NAV2: variants seen among roughly 807,000 people sequenced by gnomAD.
The protein encoded by NAV2 is helicase, APC down-regulated 1.
A neutral mutation model predicts 223.2 loss-of-function variants in NAV2; 54 were observed. That is an observed-to-expected ratio of 0.24 (90% CI 0.19 to 0.30). The LOEUF is 0.30. Among genes scored for constraint, NAV2 ranks in the 10% least tolerant of loss-of-function variants. The pLI, the probability that NAV2 is intolerant of heterozygous loss-of-function variation, is 1.00. For missense variants in NAV2, 2,806 were observed against 3,147.5 expected (o/e 0.89, Z 2.60); for synonymous variants, 1,279 against 1,239.3 (o/e 1.03, Z -0.67).
At chr11:19,548,596 C>T (rs528899470) in intron 1 of NAV2, among the ~76,000 whole-genome samples, 2 of 151,998 alleles carry the variant, frequency 1.3e-5, no homozygotes, top group South Asian at 2.1e-4. Flanking sequence ...TGGCCAGCAG[C>T]GGTGGCTCAC....
chr11:20,099,173 G>A (rs1251168429), intron 31 of NAV2, among the ~76,000 whole-genome samples: 2 of 152,192 alleles, frequency 1.3e-5, no homozygotes, highest in East Asian at 1.9e-4. Context: ...AATTGGTGGA[G>A]TTGCTGGATT....
At chr11:19,904,865 T>G (rs1412596902) in intron 6 of NAV2, among the ~76,000 whole-genome samples, 1 of 152,188 alleles carries the variant, frequency 6.6e-6, no homozygotes, top group Admixed American at 6.5e-5. Context: ...TGAGGTTTCT[T>G]ACAATAGCCG....
At chr11:19,897,886 T>TTTATATATATATATATATATATA (rs144642336) in intron 6 of NAV2, among the ~76,000 whole-genome samples, 1 of 120,660 alleles carries the variant, frequency 8.3e-6, no homozygotes, top group African/African-American at 3.4e-5. Flanking sequence ...GACCTGTGAT[T>TTTATATATATATATATATATATA]TATATATATA....
intron 10 of NAV2, among the ~76,000 whole-genome samples, chr11:19,966,786 C>T (rs967483217): frequency 1.3e-5 from 2 of 152,178 alleles, no homozygotes; most frequent in African/African-American, 4.8e-5. Context: ...CAGATGGCTT[C>T]TCTTATGTTC....
At chr11:19,373,361 G>A (rs977221664) in intron 1 of NAV2, among the ~76,000 whole-genome samples, 8 of 152,128 alleles carry the variant, frequency 5.3e-5, no homozygotes, top group African/African-American at 1.9e-4. Flanking sequence ...GCCTCTGCCT[G>A]CCTCTCCCCT....
intron 1 of NAV2, among the ~76,000 whole-genome samples, chr11:19,360,214 G>A (rs1487103421): frequency 6.6e-6 from 1 of 152,164 alleles, no homozygotes; most frequent in Non-Finnish European, 1.5e-5. Context: ...TCAATTATTA[G>A]CACAATCTTC....
Position 19,441,448 on chromosome 11 carries a change from GCACA to G in NAV2, c.75+90443_75+90446del, listed in dbSNP as rs150858991. Among the ~76,000 whole-genome samples the G allele has an allele frequency of 1.7e-3, 242 of 145,904 alleles. 1 individual carries two copies. The highest frequency in any genetic ancestry group is 4.2e-3 in the African/African-American group (171 of 40,342). On this transcript the variant is annotated intron_variant, in intron 1 of 37. Coordinates refer to the NAV2 transcript ENST00000360655. ...CACTGGGACACACACACACACACACGCACACACACACACACACACACACACCCTT... is the reference window on the plus strand; with the variant it reads ...CACTGGGACACACACACACACACACGCACACACACACACACACACACCCTT...
chr11:19,828,291 T>A (rs995938603), intron 1 of NAV2, among the ~76,000 whole-genome samples: 1 of 152,114 alleles, frequency 6.6e-6, no homozygotes, highest in Non-Finnish European at 1.5e-5. Context: ...CCATTATTTA[T>A]CTCCAGAACT....
At chr11:19,960,193 C>G in intron 10 of NAV2, among the ~76,000 whole-genome samples, 1 of 152,104 alleles carries the variant, frequency 6.6e-6, no homozygotes, top group East Asian at 1.9e-4. Flanking sequence ...ACTTTTTGTG[C>G]CAACTTTTGA....
chr11:19,519,333 G>A (rs1276651365), intron 1 of NAV2, among the ~76,000 whole-genome samples: 1 of 152,136 alleles, frequency 6.6e-6, no homozygotes, highest in Non-Finnish European at 1.5e-5. Context: ...ATGGGCTCTC[G>A]TAAGGTGCTT....
In NAV2 at chr11:20,090,963, C is replaced by A; in HGVS notation, c.5597C>A (p.Ala1866Asp). The A allele has an allele frequency of 6.2e-7, 1 of 1,613,924 alleles. No homozygotes were observed. Among genetic ancestry groups the A allele is most frequent in the Non-Finnish European group, 8.5e-7 (1 of 1,179,878 alleles). Reference protein sequence around the residue: ...EMKLTDIRLEALSSAHQLDQL... With the variant: ...EMKLTDIRLEDLSSAHQLDQL... Reference sequence around the variant, plus strand: ...AAGCTGACGGATATCCGCTTAGAAGCTCTCAGTTCTGCCCACCAGCTGGAC... The same window carrying A: ...AAGCTGACGGATATCCGCTTAGAAGATCTCAGTTCTGCCCACCAGCTGGAC... The change falls in exon 27 of 38, where the codon GCT (alanine) becomes GAT (aspartate). Residue 1866 changes from alanine (A) to aspartate (D), a missense_variant. Ala to Asp is a moderately radical substitution (Grantham distance 126). Coordinates refer to ENST00000349880, the MANE Select transcript of NAV2 (RefSeq NM_145117.5).
At chr11:19,590,051 G>C (rs1222250998) in intron 1 of NAV2, among the ~76,000 whole-genome samples, 3 of 152,238 alleles carry the variant, frequency 2.0e-5, no homozygotes, top group Non-Finnish European at 4.4e-5. Flanking sequence ...TGGGTCCCAG[G>C]CTAGGCTTCC....
intron 1 of NAV2, among the ~76,000 whole-genome samples, chr11:19,373,252 G>T (rs1848531032): frequency 6.6e-6 from 1 of 152,082 alleles, no homozygotes; most frequent in Non-Finnish European, 1.5e-5. Context: ...TCACCTCTAG[G>T]CTGATAACTC....
intron 10 of NAV2, among the ~76,000 whole-genome samples, chr11:19,961,939 C>T (rs771636126): frequency 4.0e-5 from 6 of 151,844 alleles, no homozygotes; most frequent in Admixed American, 6.6e-5. Flanking sequence ...TCCAGAGAAA[C>T]GAAACCAATA....
chr11:19,719,815 C>T (rs147178887), intron 1 of NAV2, among the ~76,000 whole-genome samples: 75 of 152,278 alleles, frequency 4.9e-4, no homozygotes, highest in African/African-American at 1.7e-3. Context: ...TAATTGAAAC[C>T]TTCACAGGTT....
intron 26 of NAV2, among the ~76,000 whole-genome samples, chr11:20,084,518 C>T (rs1231734625): frequency 6.6e-6 from 1 of 152,132 alleles, no homozygotes; most frequent in Non-Finnish European, 1.5e-5. Flanking sequence ...TAAGAGGTAG[C>T]CACAGGGGTG....
At position 19,644,796 on chromosome 11, in the gene NAV2, G is replaced by A. The variant is rs1431712447; in HGVS notation, c.76-187688G>A. On this transcript the variant is annotated intron_variant, in intron 1 of 37. Transcript: ENST00000360655. ...TGAGATCTGAAAATCAGGATAGATG[G>A]GCCAGCAGGCCAGGGCAGAAAAACC... Among the ~76,000 whole-genome samples the A allele has an allele frequency of 2.6e-5, 4 of 152,192 alleles. No individual in the cohort carries two copies. The East Asian group carries it at 5.8e-4, about 22-fold the overall frequency.
At chr11:19,426,693 C>T (rs1850842092) in intron 1 of NAV2, among the ~76,000 whole-genome samples, 1 of 117,658 alleles carries the variant, frequency 8.5e-6, no homozygotes, top group Non-Finnish European at 1.8e-5. Flanking sequence ...ACAGTCCCAT[C>T]AATTTTTTTT....
At chr11:20,003,486 A>G (rs1282536163) in intron 11 of NAV2, among the ~76,000 whole-genome samples, 2 of 152,180 alleles carry the variant, frequency 1.3e-5, no homozygotes, top group Non-Finnish European at 2.9e-5. Flanking sequence ...CTTCTCCATT[A>G]TCTGAAATGA....
Sources: allele counts gnomAD v4.1 joint callset (sites outside exome capture counted in the v4.1 genomes callset), GRCh38; gene constraint gnomAD v4.1.1; transcripts MANE v1.5; gene names NCBI Gene and HGNC (gene_info 2026-07-23, HGNC 2026-07-21).